The following PHF8 variants were observed in gnomAD, a reference collection of about 807,000 sequenced individuals.
PHF8 encodes the protein PHD finger protein 8.
A neutral mutation model predicts 74.4 loss-of-function variants in PHF8; 9 were observed. The observed-to-expected ratio is 0.12, with a 90% CI of 0.07 to 0.21. The LOEUF is 0.21. Ranked by LOEUF, PHF8 falls within the 10% of genes least tolerant of loss-of-function variation. The pLI, the probability that PHF8 is intolerant of heterozygous loss-of-function variation, is 1.00. For missense variants in PHF8, 478 were observed against 816.6 expected (o/e 0.59, Z 5.05); for synonymous variants, 311 against 316.6 (o/e 0.98, Z 0.19).
chrX:53,958,135 G>A (rs1434658587), intron 19 of PHF8, among the ~76,000 whole-genome samples: 1 of 108,282 alleles, frequency 9.2e-6, no homozygotes, highest in Non-Finnish European at 1.9e-5. Context: ...GCCACCTCCC[G>A]GGTTCAAGCG....
At chrX:54,011,584 G>C (rs137857689) in intron 7 of PHF8, among the ~76,000 whole-genome samples, 3,290 of 111,631 alleles carry the variant, frequency 0.029, 129 homozygotes, top group African/African-American at 0.1. Context: ...TAGACACAAT[G>C]CCAAATAAAG....
intron 18 of PHF8, among the ~76,000 whole-genome samples, chrX:53,966,271 T>C (rs1221171744): frequency 9.0e-6 from 1 of 111,507 alleles, no homozygotes; most frequent in African/African-American, 3.3e-5. Context: ...ACGGTCTCCC[T>C]CTGATGCCGA....
chrX:54,032,397 ACT>A (rs2066375283), intron 2 of PHF8, among the ~76,000 whole-genome samples: 1 of 109,033 alleles, frequency 9.2e-6, no homozygotes, highest in South Asian at 4.0e-4. Flanking sequence ...CCCCTCACTC[ACT>A]CTGTTCCAAT....
chrX:53,963,929 T>C (rs1015230355), intron 18 of PHF8, among the ~76,000 whole-genome samples: 18 of 111,880 alleles, frequency 1.6e-4, no homozygotes, highest in African/African-American at 3.6e-4. Context: ...GAAAGACACA[T>C]GCACACGTAT....
At chrX:53,956,034 G>A (rs1417587204) in intron 19 of PHF8, among the ~76,000 whole-genome samples, 1 of 111,114 alleles carries the variant, frequency 9.0e-6, no homozygotes, top group Non-Finnish European at 1.9e-5. Context: ...ATCACTTGAG[G>A]TCAGGAGTTT....
At chrX:53,975,602 T>G (rs1280291031) in intron 18 of PHF8, among the ~76,000 whole-genome samples, 1 of 112,094 alleles carries the variant, frequency 8.9e-6, no homozygotes, top group South Asian at 3.7e-4. Context: ...GGTCATTATA[T>G]TAAGTGAAAT....
intron 18 of PHF8, among the ~76,000 whole-genome samples, chrX:53,979,151 C>T (rs1441434773): frequency 3.6e-5 from 4 of 111,924 alleles, no homozygotes; most frequent in Non-Finnish European, 5.6e-5. Context: ...GAGGCTGAGG[C>T]GGGTGGATCA....
chrX:53,994,113 G>A (rs1178656415), intron 12 of PHF8, among the ~76,000 whole-genome samples: 2 of 112,084 alleles, frequency 1.8e-5, no homozygotes, highest in African/African-American at 6.5e-5. Flanking sequence ...GTAAGAAGAC[G>A]AGCAAAGCAC....
intron 19 of PHF8, among the ~76,000 whole-genome samples, chrX:53,945,511 A>AAAAATAATAATAATAAT (rs2064821163): frequency 9.1e-6 from 1 of 110,401 alleles, no homozygotes; most frequent in Non-Finnish European, 1.9e-5. Context: ...CTCTGTCTCA[A>AAAAATAATAATAATAAT]AAAATAATAA....
chrX:54,037,864 C>T (rs1414741581), intron 2 of PHF8, among the ~76,000 whole-genome samples: 1 of 112,257 alleles, frequency 8.9e-6, no homozygotes, highest in Non-Finnish European at 1.9e-5. Context: ...TTTAAATCAT[C>T]ACAACCTCTC....
In PHF8 at chrX:54,028,309, T is replaced by C. The variant is rs148374809; in HGVS notation, c.99-5466A>G. On this transcript the variant is annotated intron_variant, in intron 2 of 21. Coordinates refer to ENST00000338154, the MANE Select transcript of PHF8 (RefSeq NM_015107.3). ...AATAGACTCATGTAGTAGGGTGTTG[T>C]AGGCCACTGTAAAGCACTCTGGCTT... 9.9e-5 allele frequency among the ~76,000 whole-genome samples: 11 copies of C among 111,522 alleles called. No homozygotes were observed. The East Asian group carries it at 3.1e-3, about 31-fold the overall frequency.
upstream of PHF8, among the ~76,000 whole-genome samples, chrX:54,047,363 G>A (rs2066639124): frequency 8.9e-6 from 1 of 111,796 alleles, no homozygotes; most frequent in Non-Finnish European, 1.9e-5. Context: ...AACAGATTTG[G>A]TGGGGAGGAG....
At chrX:53,975,891 G>A (rs2065366540) in intron 18 of PHF8, among the ~76,000 whole-genome samples, 2 of 111,575 alleles carry the variant, frequency 1.8e-5, no homozygotes, top group African/African-American at 6.5e-5. Flanking sequence ...CAAAAATAAA[G>A]GTTTGATGAT....
At chrX:53,959,771 T>C (rs2065071197) in intron 19 of PHF8, among the ~76,000 whole-genome samples, 2 of 100,232 alleles carry the variant, frequency 2.0e-5, no homozygotes, top group South Asian at 4.6e-4. Context: ...GGCTGAGGTA[T>C]GAGAATCGTT....
chrX:53,991,661 CAAAAAAAAAA>C (rs1201744328), intron 14 of PHF8, among the ~76,000 whole-genome samples: 3 of 16,754 alleles, frequency 1.8e-4, no homozygotes, highest in African/African-American at 4.6e-4. Flanking sequence ...GACTCTGTCT[CAAAAAAAAAA>C]AAAAAAAAAA....
At chrX:53,995,206 C>T in intron 12 of PHF8, 1 of 342,415 alleles carries the variant, frequency 2.9e-6, no homozygotes. Flanking sequence ...CCCGAGAGAA[C>T]TGTCATTTTG....
At chrX:53,981,012 A>C (rs1257123403) in intron 18 of PHF8, among the ~76,000 whole-genome samples, 1 of 112,527 alleles carries the variant, frequency 8.9e-6, no homozygotes, top group South Asian at 3.7e-4. Flanking sequence ...CAGGAGTTCA[A>C]GACCGGCCTG....
intron 19 of PHF8, among the ~76,000 whole-genome samples, chrX:53,946,734 G>A (rs2064837914): frequency 8.9e-6 from 1 of 111,978 alleles, no homozygotes; most frequent in Non-Finnish European, 1.9e-5. Flanking sequence ...GACAATTTAG[G>A]AAATTTGATT....
intron 2 of PHF8, among the ~76,000 whole-genome samples, chrX:54,033,677 G>A (rs782584413): frequency 9.0e-6 from 1 of 110,585 alleles, no homozygotes; most frequent in Non-Finnish European, 1.9e-5. Flanking sequence ...TCGCACCATT[G>A]CACTCCAGCC....
Sources: gnomAD v4.1 joint callset for allele counts (sites outside exome capture counted in the v4.1 genomes callset) on GRCh38, gnomAD v4.1.1 for gene constraint, MANE v1.5 for transcripts, NCBI Gene and HGNC (gene_info 2026-07-23, HGNC 2026-07-21) for gene names.